AKAP6: variants seen among roughly 807,000 people sequenced by gnomAD.
AKAP6 encodes A-kinase anchoring protein 6.
In AKAP6, 58 loss-of-function variants were observed where a neutral mutation model predicts 188.5. The observed-to-expected ratio is 0.31, with a 90% CI of 0.25 to 0.38. AKAP6 has a LOEUF of 0.38. Ranked by LOEUF, AKAP6 falls within the 10% of genes least tolerant of loss-of-function variation. AKAP6 has a pLI of 1.00. For synonymous variants in AKAP6, 989 were observed against 998.6 expected, an observed-to-expected ratio of 0.99 and a Z score of 0.18; for missense variants, 2,710 against 2,740.0, an observed-to-expected ratio of 0.99 and a Z score of 0.24.
chr14:32,791,314 C>T (rs994063845), intron 12 of AKAP6, among the ~76,000 whole-genome samples: 1 of 152,184 alleles, frequency 6.6e-6, no homozygotes, highest in Non-Finnish European at 1.5e-5. Context: ...ACCATTCTAA[C>T]AGTCATGAGA....
intron 11 of AKAP6, among the ~76,000 whole-genome samples, chr14:32,772,276 C>G (rs753574320): frequency 1.3e-5 from 2 of 152,082 alleles, no homozygotes; most frequent in Non-Finnish European, 2.9e-5. Context: ...ATTTGTCAGA[C>G]ATGGTGGTTA....
intron 12 of AKAP6, among the ~76,000 whole-genome samples, chr14:32,806,780 G>C (rs1395073305): frequency 6.6e-6 from 1 of 152,198 alleles, no homozygotes; most frequent in Non-Finnish European, 1.5e-5. Context: ...AAATAAGCTG[G>C]AAATCACTGA....
rs181074951 is a variant in AKAP6 at position 32,587,657 on chromosome 14, G to A, written c.2469+10415G>A. Among the ~76,000 whole-genome samples the A allele has an allele frequency of 3.8e-3, 578 of 152,288 alleles. 5 individuals are homozygous for A. Among genetic ancestry groups the A allele is most frequent in the African/African-American group, 0.013 (551 of 41,562 alleles). ...AACAGATTAGAGAGACATGCCAGCC[G>A]TTCTCTTTTTGAGGCTCACTCTTTT... On this transcript the variant is annotated intron_variant, in intron 5 of 13. Transcript: ENST00000280979.
chr14:32,487,194 T>C (rs1187327216), intron 2 of AKAP6, among the ~76,000 whole-genome samples: 1 of 152,258 alleles, frequency 6.6e-6, no homozygotes, highest in Admixed American at 6.5e-5. Flanking sequence ...ATAAGTGTTT[T>C]AATGTACTGC....
At chr14:32,748,308 T>C (rs1028793625) in intron 11 of AKAP6, among the ~76,000 whole-genome samples, 1 of 152,188 alleles carries the variant, frequency 6.6e-6, no homozygotes, top group African/African-American at 2.4e-5. Flanking sequence ...TGACAGATCA[T>C]CTTCCTGAAA....
intron 1 of AKAP6, among the ~76,000 whole-genome samples, chr14:32,432,678 G>GT (rs1170809035): frequency 6.6e-6 from 1 of 152,180 alleles, no homozygotes; most frequent in East Asian, 1.9e-4. Context: ...TCAGCTCAGT[G>GT]TTTTTTGTGA....
At chr14:32,481,457 C>A (rs759155949) in intron 2 of AKAP6, among the ~76,000 whole-genome samples, 1 of 152,130 alleles carries the variant, frequency 6.6e-6, no homozygotes, top group Non-Finnish European at 1.5e-5. Flanking sequence ...AATGGACTCA[C>A]GGTTCTACAT....
chr14:32,367,671 C>A (rs1186993591), intron 1 of AKAP6, among the ~76,000 whole-genome samples: 2 of 152,130 alleles, frequency 1.3e-5, no homozygotes, highest in African/African-American at 2.4e-5. Flanking sequence ...ACTAAGTCTT[C>A]CCTTTTGTTC....
chr14:32,633,467 T>C (rs1887358281), intron 7 of AKAP6, among the ~76,000 whole-genome samples: 4 of 152,164 alleles, frequency 2.6e-5, no homozygotes, highest in African/African-American at 9.6e-5. Flanking sequence ...TCTATTACCA[T>C]GTGACTTGCA....
At chr14:32,334,054 C>A (rs1412833971) in intron 1 of AKAP6, among the ~76,000 whole-genome samples, 8 of 152,096 alleles carry the variant, frequency 5.3e-5, no homozygotes, top group Admixed American at 5.2e-4. Context: ...GGAAGCATTT[C>A]TCGAAACAAT....
At chr14:32,556,775 A>G (rs1255977433) in intron 4 of AKAP6, among the ~76,000 whole-genome samples, 2 of 151,922 alleles carry the variant, frequency 1.3e-5, no homozygotes, top group Non-Finnish European at 2.9e-5. Flanking sequence ...TCATTTATCT[A>G]TCTTTGCTTT....
In AKAP6 at chr14:32,821,924, G is replaced by A. The variant is rs1223599180; in HGVS notation, c.4111G>A (p.Asp1371Asn). 1 of 1,613,940 alleles carries A rather than the reference G, an allele frequency of 6.2e-7. No homozygotes were observed. Among genetic ancestry groups the A allele is most frequent in the Admixed American group, 1.7e-5 (1 of 59,946 alleles). ...TGAGAGTGGAATTGTCAGTGAAGGA[G>A]ACACAGAAACCACTACCAACTCTGA... ...GSESGIVSEGDTETTTNSEMC... is the reference protein window; with the variant it reads ...GSESGIVSEGNTETTTNSEMC... Residue 1371 changes from aspartate to asparagine, a missense_variant, in exon 13 of 14, where the codon GAC becomes AAC. Asp to Asn is a conservative substitution (Grantham distance 23, BLOSUM62 1). Coordinates refer to ENST00000280979, the MANE Select transcript of AKAP6 (RefSeq NM_004274.5).
At chr14:32,395,525 C>T (rs1888852071) in intron 1 of AKAP6, among the ~76,000 whole-genome samples, 1 of 152,130 alleles carries the variant, frequency 6.6e-6, no homozygotes, top group Admixed American at 6.6e-5. Context: ...AACCATAGAA[C>T]TCGCCCTTAT....
chr14:32,540,131 G>GCGCTCTCTCTCTCTCTCTCTCT (rs1306141242), intron 3 of AKAP6, among the ~76,000 whole-genome samples: 1 of 66,504 alleles, frequency 1.5e-5, no homozygotes, highest in African/African-American at 8.6e-5. Flanking sequence ...TTGCTCGTGC[G>GCGCTCTCTCTCTCTCTCTCTCT]CTCTCTCTCT....
intron 5 of AKAP6, among the ~76,000 whole-genome samples, chr14:32,592,272 G>A (rs1383664356): frequency 6.6e-6 from 1 of 152,148 alleles, no homozygotes; most frequent in Non-Finnish European, 1.5e-5. Flanking sequence ...TACTCTCAAG[G>A]AACTCATCTA....
chr14:32,781,148 C>T (rs184972786), intron 12 of AKAP6, among the ~76,000 whole-genome samples: 14 of 151,662 alleles, frequency 9.2e-5, no homozygotes, highest in African/African-American at 2.9e-4. Flanking sequence ...AAATGAAAAT[C>T]TGGGGTTATT....
chr14:32,396,600 G>C (rs1888887269), intron 1 of AKAP6, among the ~76,000 whole-genome samples: 1 of 152,134 alleles, frequency 6.6e-6, no homozygotes, highest in African/African-American at 2.4e-5. Context: ...AGGTGTGTTG[G>C]GGAGTTCTGG....
At chr14:32,374,376 A>T (rs1888097406) in intron 1 of AKAP6, among the ~76,000 whole-genome samples, 1 of 152,270 alleles carries the variant, frequency 6.6e-6, no homozygotes, top group Non-Finnish European at 1.5e-5. Context: ...GCTGTTAAAA[A>T]TGATTAGACA....
chr14:32,658,642 G>C (rs1278001742), intron 7 of AKAP6, among the ~76,000 whole-genome samples: 2 of 151,596 alleles, frequency 1.3e-5, no homozygotes, highest in African/African-American at 4.8e-5. Flanking sequence ...CTCAATTAAG[G>C]CTGAAACTTT....
Sources: allele counts gnomAD v4.1 joint callset (sites outside exome capture counted in the v4.1 genomes callset), GRCh38; gene constraint gnomAD v4.1.1; transcripts MANE v1.5; gene names NCBI Gene and HGNC (gene_info 2026-07-23, HGNC 2026-07-21).